The following CDH13 variants were observed in gnomAD, a reference collection of about 807,000 sequenced individuals.
CDH13 encodes cadherin 13.
CDH13 carries 24 observed loss-of-function variants against 63.8 expected under a neutral mutation model. The ratio of observed to expected loss-of-function variants is 0.38; its 90% CI spans 0.27 to 0.53. The LOEUF is 0.53. Ranked by LOEUF, CDH13 falls within the 20% of genes least tolerant of loss-of-function variation. The pLI is 0.85. For synonymous variants in CDH13, 503 were observed against 355.3 expected (o/e 1.42, Z -4.67); for missense variants, 1,049 against 903.1 (o/e 1.16, Z -2.07).
At chr16:82,710,676 ATATT>A (rs1280215748) in intron 1 of CDH13, among the ~76,000 whole-genome samples, 2 of 145,218 alleles carry the variant, frequency 1.4e-5, no homozygotes, top group Non-Finnish European at 3.0e-5. Flanking sequence ...AATATACAGT[ATATT>A]TATATATTTG....
At chr16:83,592,324 A>C (rs938124183) in intron 7 of CDH13, among the ~76,000 whole-genome samples, 1 of 152,138 alleles carries the variant, frequency 6.6e-6, no homozygotes, top group African/African-American at 2.4e-5. Flanking sequence ...ATCTCATCTG[A>C]CCTTACGTAC....
At chr16:82,710,391 C>T (rs951902856) in intron 1 of CDH13, among the ~76,000 whole-genome samples, 1 of 145,358 alleles carries the variant, frequency 6.9e-6, no homozygotes, top group African/African-American at 2.5e-5. Flanking sequence ...AAATTAGCTG[C>T]GCATGGTGGT....
At chr16:82,660,335 G>A (rs183965073) in intron 1 of CDH13, among the ~76,000 whole-genome samples, 2 of 152,242 alleles carry the variant, frequency 1.3e-5, no homozygotes, top group East Asian at 3.9e-4. Context: ...GTTAAGTCAA[G>A]GGTGGTATTT....
chr16:83,724,933 G>C lies in CDH13; in HGVS notation c.1539-23175G>C, dbSNP rs1408595651. Among the ~76,000 whole-genome samples, 7 of 152,144 alleles carry C rather than the reference G, an allele frequency of 4.6e-5. No individual in the cohort carries two copies. The East Asian group carries it at 1.3e-3, about 29-fold the overall frequency. Reference sequence around the variant, plus strand: ...TCCTACCCCTGGGACTCCCTTATTGGTGTCCTCATTAGGCCAATCAATGCA... The same window carrying C: ...TCCTACCCCTGGGACTCCCTTATTGCTGTCCTCATTAGGCCAATCAATGCA... On this transcript the variant is annotated intron_variant, in intron 10 of 13. Transcript: ENST00000567109.
chr16:82,661,197 T>A (rs944839003), intron 1 of CDH13, among the ~76,000 whole-genome samples: 24 of 152,114 alleles, frequency 1.6e-4, no homozygotes, highest in African/African-American at 5.6e-4. Context: ...CCTAGTGAGG[T>A]TGGCTTCAAG....
At chr16:83,515,607 T>G (rs2074682217) in intron 7 of CDH13, among the ~76,000 whole-genome samples, 1 of 152,224 alleles carries the variant, frequency 6.6e-6, no homozygotes, top group Admixed American at 6.5e-5. Context: ...GTTTCCAGTG[T>G]TAAAAAGCAG....
At chr16:83,360,538 G>A (rs2091142256) in intron 6 of CDH13, among the ~76,000 whole-genome samples, 1 of 151,812 alleles carries the variant, frequency 6.6e-6, no homozygotes, top group South Asian at 2.1e-4. Flanking sequence ...TGATGCTGAC[G>A]CTTTGAGTAT....
intron 6 of CDH13, among the ~76,000 whole-genome samples, chr16:83,370,841 A>G (rs2091353501): frequency 6.6e-6 from 1 of 152,200 alleles, no homozygotes; most frequent in Non-Finnish European, 1.5e-5. Flanking sequence ...CACATTATAT[A>G]TGTACCATAT....
At chr16:83,553,823 C>A (rs1483205400) in intron 7 of CDH13, among the ~76,000 whole-genome samples, 1 of 152,242 alleles carries the variant, frequency 6.6e-6, no homozygotes, top group African/African-American at 2.4e-5. Context: ...TCCCAAAGTG[C>A]TGGGATTACA....
chr16:83,526,021 G>C (rs1457583586), intron 7 of CDH13, among the ~76,000 whole-genome samples: 1 of 152,160 alleles, frequency 6.6e-6, no homozygotes, highest in East Asian at 1.9e-4. Flanking sequence ...TCCTGTGTTG[G>C]ACTTCTGATC....
At chr16:82,818,830 C>G (rs746745966) in intron 1 of CDH13, among the ~76,000 whole-genome samples, 3 of 152,118 alleles carry the variant, frequency 2.0e-5, no homozygotes, top group Non-Finnish European at 4.4e-5. Flanking sequence ...CATACAAACA[C>G]CAAGTCTGCT....
At chr16:82,961,673 A>G (rs1332585051) in intron 2 of CDH13, among the ~76,000 whole-genome samples, 1 of 152,030 alleles carries the variant, frequency 6.6e-6, no homozygotes, top group Non-Finnish European at 1.5e-5. Flanking sequence ...GTATTTTTCA[A>G]AGTTACCCAT....
chr16:83,131,918 C>T (rs1051932877), intron 4 of CDH13, among the ~76,000 whole-genome samples: 2 of 152,154 alleles, frequency 1.3e-5, no homozygotes, highest in Admixed American at 6.5e-5. Context: ...AACCACTCAA[C>T]CAGGACTCCG....
intron 4 of CDH13, among the ~76,000 whole-genome samples, chr16:83,160,148 A>G (rs927260689): frequency 6.6e-6 from 1 of 152,154 alleles, no homozygotes; most frequent in African/African-American, 2.4e-5. Context: ...CCATGATTCA[A>G]ACTATGAATT....
chr16:83,345,111 C>T (rs1403726325), intron 6 of CDH13, 105 bp downstream of exon 6: 8 of 1,305,302 alleles, frequency 6.1e-6, no homozygotes, highest in African/African-American at 4.4e-5. Context: ...CTTGTCAGCT[C>T]GTATCAGCGT....
intron 6 of CDH13, among the ~76,000 whole-genome samples, chr16:83,440,962 C>G (rs1330477775): frequency 6.6e-6 from 1 of 152,050 alleles, no homozygotes; most frequent in African/African-American, 2.4e-5. Flanking sequence ...CAACAATGTC[C>G]CAAATCTGTG....
intron 4 of CDH13, among the ~76,000 whole-genome samples, chr16:83,209,263 G>T (rs139351468): frequency 2.9e-4 from 44 of 152,302 alleles, no homozygotes; most frequent in African/African-American, 9.9e-4. Flanking sequence ...CTATGAGTCA[G>T]GGCCTGGATC....
chr16:83,701,075 C>G (rs1406189593), intron 10 of CDH13, among the ~76,000 whole-genome samples: 3 of 152,184 alleles, frequency 2.0e-5, no homozygotes, highest in African/African-American at 7.2e-5. Flanking sequence ...ATGTCACTAC[C>G]TAGACAGTCG....
rs371897512 is a variant in CDH13, at chr16:82,679,684, G to A, written c.45+52547G>A. Among the ~76,000 whole-genome samples the A allele has an allele frequency of 2.2e-4, 33 of 152,216 alleles. 1 individual carries two copies. In the East Asian group the frequency reaches 5.0e-3, roughly 23 times the overall value. ...TTTAATCAGCCTTGGTTATGTATTC[G>A]TCGTCAGATAAATAGGGACGTTAAT... On this transcript the variant is annotated intron_variant, in intron 1 of 13. Coordinates refer to ENST00000567109, the MANE Select transcript of CDH13 (RefSeq NM_001257.5).
Sources: allele counts gnomAD v4.1 joint callset (sites outside exome capture counted in the v4.1 genomes callset), GRCh38; gene constraint gnomAD v4.1.1; transcripts MANE v1.5; gene names NCBI Gene and HGNC (gene_info 2026-07-23, HGNC 2026-07-21).